Variants in TAFA1 observed in about 807,000 individuals in gnomAD.
TAFA1 encodes chemokine-like protein TAFA-1.
A neutral mutation model predicts 18.5 loss-of-function variants in TAFA1; 4 were observed. The observed-to-expected ratio is 0.22, with a 90% confidence interval of 0.11 to 0.49. TAFA1 has a LOEUF of 0.49. TAFA1 is among the 20% of genes least tolerant of loss of function. TAFA1 has a pLI of 0.98. For synonymous variants in TAFA1, 56 were observed against 55.2 expected (o/e 1.01, Z -0.06); for missense variants, 147 against 169.0 (o/e 0.87, Z 0.72).
chr3:68,533,113 A>G (rs1364000552), intron 3 of TAFA1, among the ~76,000 whole-genome samples: 3 of 151,200 alleles, frequency 2.0e-5, no homozygotes, highest in South Asian at 2.1e-4. Flanking sequence ...GAAGGTATGT[A>G]GTAAGGTGAG....
intron 2 of TAFA1, among the ~76,000 whole-genome samples, chr3:68,405,827 AC>A (rs1408155356): frequency 6.6e-6 from 1 of 150,882 alleles, no homozygotes; most frequent in East Asian, 2.0e-4. Flanking sequence ...GGTCTTTGCA[AC>A]CTGGAACCTA....
intron 2 of TAFA1, among the ~76,000 whole-genome samples, chr3:68,281,655 G>C (rs2067899540): frequency 6.6e-6 from 1 of 151,894 alleles, no homozygotes; most frequent in Admixed American, 6.6e-5. Flanking sequence ...ATTTTTAGTA[G>C]AGACAGATTT....
chr3:68,259,339 T>A (rs879560213), intron 2 of TAFA1, among the ~76,000 whole-genome samples: 1 of 152,170 alleles, frequency 6.6e-6, no homozygotes, highest in Non-Finnish European at 1.5e-5. Flanking sequence ...GGATTTAGTT[T>A]TAACTGAGAT....
intron 2 of TAFA1, among the ~76,000 whole-genome samples, chr3:68,100,234 C>A (rs565631809): frequency 6.6e-6 from 1 of 152,268 alleles, no homozygotes; most frequent in East Asian, 1.9e-4. Flanking sequence ...CCTGTAATCC[C>A]AGCACTTAGG....
chr3:68,150,682 CT>C (rs2065796315), intron 2 of TAFA1, among the ~76,000 whole-genome samples: 2 of 152,002 alleles, frequency 1.3e-5, no homozygotes, highest in African/African-American at 4.8e-5. Flanking sequence ...TCATTTACTT[CT>C]TTCTTTCTTT....
At chr3:68,517,989 A>G (rs1253672200) in intron 3 of TAFA1, among the ~76,000 whole-genome samples, 2 of 152,124 alleles carry the variant, frequency 1.3e-5, no homozygotes, top group Non-Finnish European at 2.9e-5. Context: ...ATGCTGAACT[A>G]ATAGTTGCCA....
intron 2 of TAFA1, among the ~76,000 whole-genome samples, chr3:68,398,140 T>C (rs558265239): frequency 6.6e-6 from 1 of 152,256 alleles, no homozygotes; most frequent in Non-Finnish European, 1.5e-5. Flanking sequence ...AGAACAAAGC[T>C]GGAGGCATCA....
intron 2 of TAFA1, among the ~76,000 whole-genome samples, chr3:68,240,464 A>C (rs183399552): frequency 9.8e-5 from 15 of 152,326 alleles, no homozygotes; most frequent in African/African-American, 3.1e-4. Context: ...AGAGCAGCAG[A>C]AGATGTATGA....
intron 2 of TAFA1, among the ~76,000 whole-genome samples, chr3:68,023,229 C>A (rs1704737286): frequency 6.6e-6 from 1 of 151,942 alleles, no homozygotes; most frequent in Non-Finnish European, 1.5e-5. Flanking sequence ...ACCAATCAGC[C>A]CCATATCTTT....
chr3:68,124,811 A>G (rs2065444341), intron 2 of TAFA1, among the ~76,000 whole-genome samples: 1 of 152,164 alleles, frequency 6.6e-6, no homozygotes, highest in Admixed American at 6.5e-5. Context: ...CTGCTCATTC[A>G]CTACCCACCT....
intron 2 of TAFA1, among the ~76,000 whole-genome samples, chr3:68,414,083 T>A (rs1266472256): frequency 1.3e-5 from 2 of 152,028 alleles, no homozygotes; most frequent in Non-Finnish European, 2.9e-5. Context: ...GACGGGTGGA[T>A]CACCTGAGGT....
chr3:68,495,865 A>G (rs1452049155), intron 3 of TAFA1, among the ~76,000 whole-genome samples: 1 of 152,172 alleles, frequency 6.6e-6, no homozygotes, highest in Non-Finnish European at 1.5e-5. Context: ...CTTCCTTCAC[A>G]GGCTTAAAAG....
In TAFA1 at chr3:68,246,514, C is replaced by T. The variant is rs1007158368; in HGVS notation, c.119-170766C>T. 1.3e-4 allele frequency among the ~76,000 whole-genome samples: 17 copies of T among 135,408 alleles called. No individual in the cohort carries two copies. The East Asian group carries it at 2.0e-3, about 16-fold the overall frequency. The allele number at this position is 135,408 out of a possible 152,430, so 88.8% of individuals were successfully genotyped here. A position where few individuals can be genotyped will look rare whatever the true frequency, so the allele number is the denominator to read the frequency against. On this transcript the variant is annotated intron_variant, in intron 2 of 4. Coordinates refer to ENST00000478136, the MANE Select transcript of TAFA1 (RefSeq NM_213609.4). ...CTGAGGCAGGAGAATGGCGTGAACC[C>T]GGGAGGCGGAGCTTGCAGTGAGCCG...
intron 3 of TAFA1, among the ~76,000 whole-genome samples, chr3:68,436,297 A>G (rs969496408): frequency 7.2e-5 from 11 of 152,184 alleles, no homozygotes; most frequent in African/African-American, 2.7e-4. Flanking sequence ...TGGGCATAAC[A>G]GTATCTACCT....
rs143625545 is a variant in TAFA1, at chr3:68,254,129, G to C, written c.119-163151G>C. Among the ~76,000 whole-genome samples, 216 of 120,260 alleles carry C rather than the reference G, an allele frequency of 1.8e-3. 3 individuals are homozygous for C. The highest frequency in any genetic ancestry group is 6.7e-3 in the African/African-American group (210 of 31,248). 78.9% of individuals were successfully genotyped at this position (120,260 alleles called of 152,430 possible). A position where few individuals can be genotyped will look rare whatever the true frequency, so the allele number is the denominator to read the frequency against. ...TCTATGTATGTATGTATGTATGTAT[G>C]TATGTATCTATCTATCTATCTATCT... On this transcript the variant is annotated intron_variant, in intron 2 of 4. Transcript: ENST00000478136.
intron 2 of TAFA1, among the ~76,000 whole-genome samples, chr3:68,371,304 C>T (rs1273576070): frequency 2.0e-5 from 3 of 152,172 alleles, no homozygotes; most frequent in African/African-American, 4.8e-5. Flanking sequence ...TGGTTTGCTG[C>T]ACCTGTCAAC....
At chr3:68,463,467 A>T (rs1239283113) in intron 3 of TAFA1, among the ~76,000 whole-genome samples, 2 of 152,116 alleles carry the variant, frequency 1.3e-5, no homozygotes, top group African/African-American at 2.4e-5. Flanking sequence ...TGACAAGCAT[A>T]TTGGAATTAT....
intron 2 of TAFA1, among the ~76,000 whole-genome samples, chr3:68,161,923 C>CT (rs1169986952): frequency 2.0e-5 from 3 of 151,972 alleles, no homozygotes; most frequent in Admixed American, 6.6e-5. Context: ...TTTTTGCAAA[C>CT]TTTTTTTTGA....
chr3:68,205,162 T>A (rs1449440179), intron 2 of TAFA1, among the ~76,000 whole-genome samples: 2 of 151,794 alleles, frequency 1.3e-5, no homozygotes, highest in East Asian at 3.9e-4. Context: ...ACAAAGGTGA[T>A]TTTTAGGCAT....
Sources: allele counts gnomAD v4.1 joint callset (sites outside exome capture counted in the v4.1 genomes callset), GRCh38; gene constraint gnomAD v4.1.1; transcripts MANE v1.5; gene names NCBI Gene and HGNC (gene_info 2026-07-23, HGNC 2026-07-21).